The following ATRN variants were observed in gnomAD, a reference collection of about 807,000 sequenced individuals.
The protein encoded by ATRN is attractin-2.
Under a neutral mutation model 178.7 loss-of-function variants are expected in ATRN, and 54 were observed. That is an observed-to-expected ratio of 0.30 (90% CI 0.24 to 0.38). The LOEUF is 0.38. Among genes scored for constraint, ATRN ranks in the 10% least tolerant of loss-of-function variants. ATRN has a pLI of 1.00. For missense variants in ATRN, 1,443 were observed against 1,815.1 expected (o/e 0.79, Z 3.73); for synonymous variants, 636 against 663.0 (o/e 0.96, Z 0.63).
intron 1 of ATRN, chr20:3,490,309 C>G (rs2084770032): frequency 9.7e-7 from 1 of 1,030,882 alleles, no homozygotes; most frequent in African/African-American, 1.6e-5. Context: ...CAGCATGGGT[C>G]AGAGCGCTGC....
rs558007825 is a variant in ATRN at position 3,563,817 on chromosome 20, T to C, written c.1786+454T>C. Among the ~76,000 whole-genome samples, 7 of 152,370 alleles carry C rather than the reference T, an allele frequency of 4.6e-5. No homozygotes were observed. The East Asian group carries it at 1.3e-3, about 29-fold the overall frequency. On this transcript the variant is annotated intron_variant, in intron 10 of 28. Coordinates refer to ENST00000262919, the MANE Select transcript of ATRN (RefSeq NM_139321.3). ...GCAAATGCATACCGGATGATCTCTT[T>C]CATAAAAATTGTCAGATGTTCATTT...
intron 24 of ATRN, among the ~76,000 whole-genome samples, chr20:3,613,555 A>G (rs1458052577): frequency 6.6e-6 from 1 of 152,234 alleles, no homozygotes; most frequent in Non-Finnish European, 1.5e-5. Context: ...TTCAGTAAAA[A>G]TGGAGAGACT....
intron 18 of ATRN, among the ~76,000 whole-genome samples, chr20:3,590,859 T>C (rs759930018): frequency 2.0e-5 from 3 of 152,206 alleles, no homozygotes; most frequent in Non-Finnish European, 4.4e-5. Context: ...TTGTATATGA[T>C]CTTTCCCCAT....
At chr20:3,501,680 GGA>G (rs2084966756) in intron 1 of ATRN, among the ~76,000 whole-genome samples, 1 of 152,192 alleles carries the variant, frequency 6.6e-6, no homozygotes, top group East Asian at 1.9e-4. Flanking sequence ...CCAAAATTTT[GGA>G]GAGAAGGTAA....
At position 3,506,495 on chromosome 20, in the gene ATRN, G is replaced by T. The variant is rs543285811; in HGVS notation, c.411-28758G>T. 4.6e-5 allele frequency among the ~76,000 whole-genome samples: 7 copies of T among 152,110 alleles called. No individual in the cohort carries two copies. The South Asian group carries it at 1.5e-3, about 32-fold the overall frequency. ...AAAAATTAGCTGGGCGTGGTGGCAG[G>T]TGCCTGTAATGCCAGCTAATTAGGA... On this transcript the variant is annotated intron_variant, in intron 1 of 28. Transcript: ENST00000262919.
At chr20:3,540,601 C>T (rs1438314826) in intron 3 of ATRN, among the ~76,000 whole-genome samples, 1 of 152,178 alleles carries the variant, frequency 6.6e-6, no homozygotes, top group Non-Finnish European at 1.5e-5. Flanking sequence ...AGTTCACCTG[C>T]TCCTTGTGGT....
chr20:3,624,238 G>A (rs1057087949), intron 24 of ATRN, among the ~76,000 whole-genome samples: 5 of 152,198 alleles, frequency 3.3e-5, no homozygotes, highest in African/African-American at 9.7e-5. Context: ...AGGCATGCGA[G>A]GGTCTCCAGG....
intron 1 of ATRN, among the ~76,000 whole-genome samples, chr20:3,509,074 A>G (rs1176973264): frequency 1.3e-5 from 2 of 152,240 alleles, no homozygotes; most frequent in African/African-American, 4.8e-5. Context: ...AAAACAAGAT[A>G]GGAAAAGGAA....
At position 3,647,309 on chromosome 20, in the gene ATRN, T is replaced by C. The variant is rs1289081230; in HGVS notation, c.*462T>C. 1 of 153,222 alleles carries C rather than the reference T, an allele frequency of 6.5e-6. No homozygotes were observed. Among genetic ancestry groups the C allele is most frequent in the Non-Finnish European group, 1.5e-5 (1 of 68,520 alleles). The allele number at this position is 153,222 out of a possible 1,614,324, so 9.5% of individuals were successfully genotyped here. A position where few individuals can be genotyped will look rare whatever the true frequency, so the allele number is the denominator to read the frequency against. On this transcript the variant is annotated 3_prime_UTR_variant, in exon 29 of 29. Coordinates refer to ENST00000262919, the MANE Select transcript of ATRN (RefSeq NM_139321.3). ...TTCATCTGAAGCCTGCTATCTTTTT[T>C]AAAAGATGTGCTATTTATTCTTGCA... is the stretch of plus-strand genomic sequence containing the variant.
rs2146073587 is a variant in ATRN, at chr20:3,483,389, C to T, written c.410+11872C>T. Reference sequence around the variant, plus strand: ...TGTGACAGGGTCTCACTCTATGAACCAGGCTAGAGTGCAGTGATGTAATCA... The same window carrying T: ...TGTGACAGGGTCTCACTCTATGAACTAGGCTAGAGTGCAGTGATGTAATCA... On this transcript the variant is annotated intron_variant, in intron 1 of 28. Transcript: ENST00000262919. Among the ~76,000 whole-genome samples, 2 of 152,216 alleles carry T rather than the reference C, an allele frequency of 1.3e-5. 1 individual carries two copies. The highest frequency in any genetic ancestry group is 4.1e-4 in the South Asian group (2 of 4,824).
At chr20:3,608,983 A>AG (rs2086720123) in intron 24 of ATRN, among the ~76,000 whole-genome samples, 1 of 151,278 alleles carries the variant, frequency 6.6e-6, no homozygotes, top group Non-Finnish European at 1.5e-5. Context: ...AAAAAAGAAA[A>AG]AAAAAAAAAG....
chr20:3,535,990 T>C (rs1200292672), intron 2 of ATRN, among the ~76,000 whole-genome samples: 1 of 152,148 alleles, frequency 6.6e-6, no homozygotes, highest in Admixed American at 6.6e-5. Flanking sequence ...TTGTGTTATT[T>C]TTCTAAGTAT....
At chr20:3,576,691 G>GTCTATCTA (rs879152299) in intron 13 of ATRN, among the ~76,000 whole-genome samples, 168 bp from the exon 14 acceptor site, 435 of 55,900 alleles carry the variant, frequency 7.8e-3, no homozygotes, top group African/African-American at 0.017. Context: ...CTGTCTGTCT[G>GTCTATCTA]TCTGTCTATC....
chr20:3,531,179 G>A (rs1348332571), intron 1 of ATRN, among the ~76,000 whole-genome samples: 1 of 152,100 alleles, frequency 6.6e-6, no homozygotes, highest in African/African-American at 2.4e-5. Context: ...GTAACCACTT[G>A]TTGGCCATTT....
At chr20:3,577,021 G>T (rs141992992) in intron 14 of ATRN, 24 bp downstream of exon 14, 4 of 1,612,366 alleles carry the variant, frequency 2.5e-6, no homozygotes, top group Non-Finnish European at 3.4e-6. Context: ...GGTCATCTTG[G>T]TGTGTGTGGG....
At chr20:3,562,195 A>G in intron 8 of ATRN, 81 bp from the exon 9 acceptor site, 2 of 1,211,612 alleles carry the variant, frequency 1.7e-6, no homozygotes, top group Non-Finnish European at 2.3e-6. Context: ...ATCCATTCTC[A>G]TGCCCTAAGC....
rs2087114262 is a variant in ATRN at position 3,647,205 on chromosome 20, G to C, written c.*358G>C. 6.2e-6 allele frequency: 1 copy of C among 162,198 alleles called. No homozygotes were observed. Among genetic ancestry groups the C allele is most frequent in the African/African-American group, 2.4e-5 (1 of 41,850 alleles). The allele number at this position is 162,198 out of a possible 1,614,324, so 10.0% of individuals were successfully genotyped here. On this transcript the variant is annotated 3_prime_UTR_variant, in exon 29 of 29. Coordinates refer to ENST00000262919, the MANE Select transcript of ATRN (RefSeq NM_139321.3). ...TGTCTCAACTGTGCAAAAAACAAAAGATGGAGTGTTTACAAGTAGACATTC... is the reference window on the plus strand; with the variant it reads ...TGTCTCAACTGTGCAAAAAACAAAACATGGAGTGTTTACAAGTAGACATTC...
chr20:3,554,303 A>ATTTT lies in ATRN; in HGVS notation c.1112+4967_1112+4970dup, dbSNP rs1485219395. On this transcript the variant is annotated intron_variant, in intron 6 of 28. Transcript: ENST00000262919. ...AGTGTTTCTGGAACTTAGATTACAGATTTTTATTTATTTATTTATTTATTT... is the reference window on the plus strand; with the variant it reads ...AGTGTTTCTGGAACTTAGATTACAGATTTTTTTTTATTTATTTATTTATTTATTT... Among the ~76,000 whole-genome samples the ATTTT allele has an allele frequency of 8.7e-3, 965 of 111,060 alleles. 6 individuals are homozygous for ATTTT. The highest frequency in any genetic ancestry group is 0.022 in the African/African-American group (648 of 29,996). The allele number at this position is 111,060 out of a possible 152,430, so 72.9% of individuals were successfully genotyped here.
chr20:3,513,910 A>G (rs2146133791), intron 1 of ATRN, among the ~76,000 whole-genome samples: 1 of 152,230 alleles, frequency 6.6e-6, no homozygotes, highest in Middle Eastern at 3.4e-3. Flanking sequence ...TTATTGGTGT[A>G]TAAGAATGCT....
Sources: gnomAD v4.1 joint callset for allele counts (sites outside exome capture counted in the v4.1 genomes callset) on GRCh38, gnomAD v4.1.1 for gene constraint, MANE v1.5 for transcripts, NCBI Gene and HGNC (gene_info 2026-07-23, HGNC 2026-07-21) for gene names.